The following LARP1B variants were observed in gnomAD, a reference collection of about 807,000 sequenced individuals.
The protein encoded by LARP1B is la-related protein 1B.
A neutral mutation model predicts 114.2 loss-of-function variants in LARP1B; 76 were observed. The observed-to-expected ratio is 0.67, with a 90% CI of 0.55 to 0.81. The LOEUF is 0.81. Among genes scored for constraint, LARP1B ranks in the 30% least tolerant of loss-of-function variants. The pLI is 0.00. For synonymous variants in LARP1B, 345 were observed against 348.0 expected (o/e 0.99, Z 0.10); for missense variants, 1,014 against 1,075.8 (o/e 0.94, Z 0.80).
At chr4:128,113,886 A>C (rs764341707) in intron 9 of LARP1B, among the ~76,000 whole-genome samples, 60 of 148,956 alleles carry the variant, frequency 4.0e-4, no homozygotes, top group Non-Finnish European at 7.2e-4. Context: ...TCCCAGGTTC[A>C]AGCGATTCTC....
At chr4:128,175,624 G>T (rs1167684418) in intron 12 of LARP1B, among the ~76,000 whole-genome samples, 1 of 151,958 alleles carries the variant, frequency 6.6e-6, no homozygotes, top group Admixed American at 6.6e-5. Context: ...TCAGTTTATT[G>T]GTTTTCAAAA....
chr4:128,066,722 C>T (rs939858895), intron 1 of LARP1B, among the ~76,000 whole-genome samples: 7 of 151,882 alleles, frequency 4.6e-5, no homozygotes, highest in African/African-American at 1.5e-4. Context: ...AGGTGATCCT[C>T]CCACCTCCAC....
Position 128,211,481 on chromosome 4 carries a change from A to G in LARP1B, c.*1428A>G, listed in dbSNP as rs903229549. On this transcript the variant is annotated 3_prime_UTR_variant, in exon 20 of 20. Transcript: ENST00000326639. ...ATGATAAGTAATAATCAGCAGTTTT[A>G]TAATATTTACTATTTGGAGGGTCAT... The G allele has an allele frequency of 4.4e-6, 4 of 910,428 alleles. No individual in the cohort carries two copies. The highest frequency in any genetic ancestry group is 5.3e-6 in the Non-Finnish European group (4 of 761,632). The allele number at this position is 910,428 out of a possible 1,614,324, so 56.4% of individuals were successfully genotyped here. A position where few individuals can be genotyped will look rare whatever the true frequency, so the allele number is the denominator to read the frequency against.
intron 6 of LARP1B, among the ~76,000 whole-genome samples, chr4:128,219,807 A>ATAAG (rs1032849295): frequency 1.3e-5 from 2 of 151,466 alleles, no homozygotes; most frequent in African/African-American, 4.8e-5. Context: ...AAATAAATAA[A>ATAAG]TAAATAAATA....
At chr4:128,079,110 T>C (rs531980544) in intron 4 of LARP1B, among the ~76,000 whole-genome samples, 144 of 148,384 alleles carry the variant, frequency 9.7e-4, no homozygotes, top group African/African-American at 3.2e-3. Flanking sequence ...TTTTTTTTTT[T>C]AAGAGACAGA....
At chr4:128,137,909 C>T (rs887172291) in intron 11 of LARP1B, among the ~76,000 whole-genome samples, 11 of 151,904 alleles carry the variant, frequency 7.2e-5, no homozygotes, top group Admixed American at 5.9e-4. Flanking sequence ...GTGCTTCAGC[C>T]TCCTGAGTAG....
intron 11 of LARP1B, among the ~76,000 whole-genome samples, chr4:128,152,438 G>T (rs927005759): frequency 6.6e-6 from 1 of 151,812 alleles, no homozygotes; most frequent in Admixed American, 6.6e-5. Flanking sequence ...TCCTGACCTC[G>T]TGATCCACCT....
At chr4:128,187,891 G>T (rs888800360) in intron 15 of LARP1B, among the ~76,000 whole-genome samples, 1 of 152,072 alleles carries the variant, frequency 6.6e-6, no homozygotes, top group Non-Finnish European at 1.5e-5. Context: ...TTAAAAGTGT[G>T]TGGCACCTCC....
intron 12 of LARP1B, among the ~76,000 whole-genome samples, chr4:128,170,502 T>C (rs1012998041): frequency 2.6e-5 from 4 of 152,240 alleles, no homozygotes; most frequent in Non-Finnish European, 4.4e-5. Context: ...GCTTTATTTA[T>C]TTAGAAGCTC....
At chr4:128,108,043 C>T in intron 9 of LARP1B, 15 of 1,475,518 alleles carry the variant, frequency 1.0e-5, no homozygotes, top group Non-Finnish European at 1.3e-5. Flanking sequence ...ATTCCCACCT[C>T]TTGGTGGAGG....
intron 12 of LARP1B, among the ~76,000 whole-genome samples, chr4:128,165,582 T>C (rs1427959074): frequency 1.3e-5 from 2 of 152,052 alleles, no homozygotes; most frequent in Admixed American, 6.6e-5. Flanking sequence ...TATTACGATA[T>C]AGAATTTAAG....
At chr4:128,196,678 T>C (rs1299799356) in intron 15 of LARP1B, among the ~76,000 whole-genome samples, 2 of 151,852 alleles carry the variant, frequency 1.3e-5, no homozygotes, top group African/African-American at 4.8e-5. Flanking sequence ...CACTGCAACC[T>C]CTACCAGCTA....
chr4:128,190,196 C>T (rs1469421171), intron 15 of LARP1B, among the ~76,000 whole-genome samples: 3 of 152,168 alleles, frequency 2.0e-5, no homozygotes, highest in African/African-American at 7.2e-5. Flanking sequence ...CTGGGTACAG[C>T]ATAGTTGGTT....
intron 9 of LARP1B, chr4:128,107,654 A>C: frequency 1.4e-6 from 2 of 1,420,288 alleles, no homozygotes; most frequent in Non-Finnish European, 1.8e-6. Flanking sequence ...GATTATTCTA[A>C]AAAGGTCTTA....
chr4:128,073,219 GC>G (rs1766058527), intron 1 of LARP1B, among the ~76,000 whole-genome samples: 1 of 151,826 alleles, frequency 6.6e-6, no homozygotes, highest in Non-Finnish European at 1.5e-5. Context: ...TTTGAGACCA[GC>G]CTGGCTAAAA....
At chr4:128,122,543 G>C (rs1788363037) in intron 11 of LARP1B, 2 of 1,528,148 alleles carry the variant, frequency 1.3e-6, no homozygotes, top group African/African-American at 1.4e-5. Context: ...CTGTGGACAG[G>C]CTTAATTTAT....
chr4:128,184,983 T>C (rs2150729759), intron 15 of LARP1B, among the ~76,000 whole-genome samples: 1 of 152,324 alleles, frequency 6.6e-6, no homozygotes, highest in South Asian at 2.1e-4. Flanking sequence ...TGTATGTATG[T>C]GCATATATTT....
At chr4:128,177,720 A>T (rs1746831492) in intron 13 of LARP1B, among the ~76,000 whole-genome samples, 1 of 152,118 alleles carries the variant, frequency 6.6e-6, no homozygotes, top group Admixed American at 6.6e-5. Flanking sequence ...TGCTGGTGAG[A>T]GTGTAAGTTG....
At chr4:128,069,930 T>TA (rs1325400489) in intron 1 of LARP1B, among the ~76,000 whole-genome samples, 3 of 152,162 alleles carry the variant, frequency 2.0e-5, no homozygotes, top group Non-Finnish European at 4.4e-5. Context: ...TTACTGTTGT[T>TA]ACCCTAATGA....
Sources: gnomAD v4.1 joint callset for allele counts (sites outside exome capture counted in the v4.1 genomes callset) on GRCh38, gnomAD v4.1.1 for gene constraint, MANE v1.5 for transcripts, NCBI Gene and HGNC (gene_info 2026-07-23, HGNC 2026-07-21) for gene names.